Variants in FOXP1 observed in about 807,000 individuals in gnomAD.
FOXP1 encodes the protein forkhead box P1.
A neutral mutation model predicts 98.2 loss-of-function variants in FOXP1; 15 were observed. The ratio of observed to expected loss-of-function variants is 0.15; its 90% CI spans 0.10 to 0.24. The LOEUF is 0.24. Among genes scored for constraint, FOXP1 ranks in the 10% least tolerant of loss-of-function variants. The pLI, the probability that FOXP1 is intolerant of heterozygous loss-of-function variation, is 1.00. For synonymous variants in FOXP1, 371 were observed against 314.5 expected, an observed-to-expected ratio of 1.18 and a Z score of -1.90; for missense variants, 633 against 848.5, an observed-to-expected ratio of 0.75 and a Z score of 3.15.
chr3:71,206,037 T>C (rs2064009704), intron 5 of FOXP1, among the ~76,000 whole-genome samples: 1 of 152,230 alleles, frequency 6.6e-6, no homozygotes, highest in Non-Finnish European at 1.5e-5. Context: ...GCTTGTCCAC[T>C]TTCCCCAGCT....
chr3:71,251,608 C>T (rs2068194535), intron 5 of FOXP1, among the ~76,000 whole-genome samples: 2 of 152,128 alleles, frequency 1.3e-5, no homozygotes, highest in South Asian at 4.1e-4. Flanking sequence ...AGAACTATGG[C>T]GCTGAGCAGG....
At chr3:71,238,421 T>A (rs2066973304) in intron 5 of FOXP1, among the ~76,000 whole-genome samples, 1 of 152,016 alleles carries the variant, frequency 6.6e-6, no homozygotes, top group South Asian at 2.1e-4. Context: ...TAAGCATGCC[T>A]CTAAAGGGGT....
At chr3:71,480,244 C>T (rs767359408) in intron 3 of FOXP1, among the ~76,000 whole-genome samples, 1 of 152,084 alleles carries the variant, frequency 6.6e-6, no homozygotes, top group Non-Finnish European at 1.5e-5. Flanking sequence ...GGAACAGACT[C>T]GTGATCATGA....
intron 6 of FOXP1, among the ~76,000 whole-genome samples, chr3:71,162,960 T>A (rs1365954532): frequency 6.6e-6 from 1 of 152,202 alleles, no homozygotes; most frequent in African/African-American, 2.4e-5. Context: ...TCTTTCCCCA[T>A]TAGAAGATGT....
intron 3 of FOXP1, among the ~76,000 whole-genome samples, chr3:71,443,166 T>C (rs1310459885): frequency 6.6e-6 from 1 of 152,204 alleles, no homozygotes. Context: ...AGTGCTGGAA[T>C]CACAGGCGTG....
intron 2 of FOXP1, among the ~76,000 whole-genome samples, chr3:71,496,554 G>T (rs1309279564): frequency 6.6e-6 from 1 of 152,156 alleles, no homozygotes; most frequent in Non-Finnish European, 1.5e-5. Context: ...GGCCACAGTG[G>T]CTCACGCCTG....
intron 3 of FOXP1, among the ~76,000 whole-genome samples, chr3:71,481,434 T>C (rs2090271854): frequency 1.3e-5 from 2 of 152,214 alleles, no homozygotes; most frequent in African/African-American, 4.8e-5. Flanking sequence ...AGGTTCTACA[T>C]CTTAACTTGG....
chr3:71,179,467 A>T (rs181247502), intron 6 of FOXP1, among the ~76,000 whole-genome samples: 2 of 152,340 alleles, frequency 1.3e-5, no homozygotes, highest in East Asian at 3.9e-4. Context: ...AGCTGGAAGA[A>T]GATGAAGAGG....
intron 14 of FOXP1, among the ~76,000 whole-genome samples, chr3:70,986,828 T>C (rs148505359): frequency 2.0e-5 from 3 of 152,362 alleles, no homozygotes; most frequent in African/African-American, 7.2e-5. Flanking sequence ...ATGTCCTTTA[T>C]CTCAGTAATG....
intron 3 of FOXP1, among the ~76,000 whole-genome samples, chr3:71,395,120 A>G (rs1342177726): frequency 6.6e-6 from 1 of 151,268 alleles, no homozygotes; most frequent in Non-Finnish European, 1.5e-5. Flanking sequence ...AAAAAAAAAA[A>G]AAAAATTGAA....
intron 5 of FOXP1, among the ~76,000 whole-genome samples, chr3:71,280,718 C>T (rs983909101): frequency 1.3e-5 from 2 of 151,882 alleles, no homozygotes; most frequent in Admixed American, 6.6e-5. Context: ...CCATATTGGA[C>T]GGCCCAGGTC....
At chr3:71,331,378 AC>A (rs1349033532) in intron 4 of FOXP1, among the ~76,000 whole-genome samples, 1 of 90,438 alleles carries the variant, frequency 1.1e-5, no homozygotes, top group African/African-American at 4.1e-5. Context: ...CCCCCTCCCC[AC>A]CCCCCGCCAT....
intron 4 of FOXP1, among the ~76,000 whole-genome samples, chr3:71,352,507 G>A (rs1055567033): frequency 1.4e-5 from 2 of 146,188 alleles, no homozygotes; most frequent in Non-Finnish European, 3.0e-5. Context: ...AACAGGCTAC[G>A]AGGGGAAGGA....
intron 3 of FOXP1, among the ~76,000 whole-genome samples, chr3:71,411,196 C>T (rs866737499): frequency 2.6e-5 from 4 of 152,066 alleles, no homozygotes; most frequent in Admixed American, 6.6e-5. Flanking sequence ...TAGCTCCATT[C>T]GCTTCTTTCT....
intron 7 of FOXP1, among the ~76,000 whole-genome samples, chr3:71,078,728 T>C (rs1030684129): frequency 6.6e-5 from 10 of 151,778 alleles, no homozygotes; most frequent in African/African-American, 2.4e-4. Flanking sequence ...TTCCACTTCA[T>C]TTTGTTTTGC....
At chr3:71,561,800 T>C (rs1425312857) in intron 2 of FOXP1, among the ~76,000 whole-genome samples, 1 of 152,228 alleles carries the variant, frequency 6.6e-6, no homozygotes, top group African/African-American at 2.4e-5. Context: ...CTTTGCACAG[T>C]ATTTTCATTC....
At chr3:71,118,887 C>T (rs145453992) in intron 6 of FOXP1, among the ~76,000 whole-genome samples, 2 of 152,298 alleles carry the variant, frequency 1.3e-5, no homozygotes, top group African/African-American at 2.4e-5. Flanking sequence ...GTGCTACAAA[C>T]GGAGTCAAGG....
intron 20 of FOXP1, among the ~76,000 whole-genome samples, chr3:70,963,194 CATGCAGAGTGG>C (rs1236857186): frequency 1.3e-5 from 2 of 152,324 alleles, no homozygotes; most frequent in African/African-American, 4.8e-5. Context: ...CCCAGTGCCT[CATGCAGAGTGG>C]ATGCAGAGTG....
At chr3:70,966,123 G>A in intron 19 of FOXP1, 67 bp from the exon 20 acceptor site, 1 of 1,268,488 alleles carries the variant, frequency 7.9e-7, no homozygotes, top group Non-Finnish European at 1.2e-6. Flanking sequence ...TACTAATTAT[G>A]GGTGTACTCG....
Sources: allele counts gnomAD v4.1 joint callset (sites outside exome capture counted in the v4.1 genomes callset), GRCh38; gene constraint gnomAD v4.1.1; transcripts MANE v1.5; gene names NCBI Gene and HGNC (gene_info 2026-07-23, HGNC 2026-07-21).